AKR1C4: variants seen among roughly 807,000 people sequenced by gnomAD.
AKR1C4 encodes the protein 3-alpha-HSD1.
In AKR1C4, 44 loss-of-function variants were observed where a neutral mutation model predicts 41.0. That is an observed-to-expected ratio of 1.07 (90% confidence interval 0.84 to 1.38). AKR1C4 has a LOEUF of 1.38. Among genes scored for constraint, AKR1C4 ranks in the 40% most tolerant of loss-of-function variants. The pLI is 0.00. For synonymous variants in AKR1C4, 165 were observed against 137.7 expected (o/e 1.20, Z -1.39); for missense variants, 438 against 387.9 (o/e 1.13, Z -1.09).
chr10:5,210,810 C>G (rs1263313433), intron 5 of AKR1C4, among the ~76,000 whole-genome samples: 1 of 152,176 alleles, frequency 6.6e-6, no homozygotes, highest in East Asian at 1.9e-4. Flanking sequence ...CAGGGTTTCA[C>G]CATGTTGGTC....
In AKR1C4 at chr10:5,210,588, G is replaced by A. The variant is rs570333965; in HGVS notation, c.571-2028G>A. Among the ~76,000 whole-genome samples, 3 of 142,908 alleles carry A rather than the reference G, an allele frequency of 2.1e-5. No individual in the cohort carries two copies. The East Asian group carries it at 6.4e-4, about 30-fold the overall frequency. The allele number at this position is 142,908 out of a possible 152,430, so 93.8% of individuals were successfully genotyped here. ...ATCCTCTAAAATCTGAAATCTAGGTGGAGGTTCCCAAACCTCAATTTTTTT... is the reference window on the plus strand; with the variant it reads ...ATCCTCTAAAATCTGAAATCTAGGTAGAGGTTCCCAAACCTCAATTTTTTT... On this transcript the variant is annotated intron_variant, in intron 5 of 8. Coordinates refer to ENST00000263126, the MANE Select transcript of AKR1C4 (RefSeq NM_001818.5).
intron 5 of AKR1C4, among the ~76,000 whole-genome samples, chr10:5,206,723 G>C (rs1425450481): frequency 8.1e-6 from 1 of 123,296 alleles, no homozygotes; most frequent in Non-Finnish European, 1.7e-5. Flanking sequence ...CCAGAGAGTG[G>C]ATTGGTAAAG....
rs1385258195 is a variant in AKR1C4 at position 5,218,730 on chromosome 10, T to C, written c.942T>C (p.His314=). 1.9e-6 allele frequency: 3 copies of C among 1,602,800 alleles called. No homozygotes were observed. Among genetic ancestry groups the C allele is most frequent in the Middle Eastern group, 1.7e-4 (1 of 6,042 alleles). The change falls in exon 9 of 9, where the codon CAT becomes CAC. Residue 314 remains histidine (H), a synonymous_variant. Transcript: ENST00000263126. ...RYVVMDFLMD[H]PDYPFSDEY ...TTTCTCTTTTCAGTCTTATGGACCA[T>C]CCTGATTATCCATTTTCAGATGAAT...
At chr10:5,199,537 T>C (rs184411891) in intron 1 of AKR1C4, among the ~76,000 whole-genome samples, 13 of 152,106 alleles carry the variant, frequency 8.5e-5, no homozygotes, top group African/African-American at 2.9e-4. Context: ...CGGGTGGACT[T>C]TGAGAGGATC....
chr10:5,200,968 GTA>G (rs111762558), intron 2 of AKR1C4, among the ~76,000 whole-genome samples: 20 of 150,892 alleles, frequency 1.3e-4, no homozygotes, highest in African/African-American at 3.9e-4. Context: ...ATTCCATGAT[GTA>G]TATATATATA....
At chr10:5,208,073 AG>A (rs60915212) in intron 5 of AKR1C4, among the ~76,000 whole-genome samples, 121,728 of 151,286 alleles carry the variant, frequency 0.8, 51,601 homozygotes, top group East Asian at 0.98. Flanking sequence ...AGTGAAAAAA[AG>A]GAAAGTTAAC....
chr10:5,199,200 G>A (rs376290677), intron 1 of AKR1C4, among the ~76,000 whole-genome samples: 12 of 152,020 alleles, frequency 7.9e-5, no homozygotes, highest in African/African-American at 2.9e-4. Flanking sequence ...AATTGGGATG[G>A]GTTTATCACC....
chr10:5,207,562 C>G (rs1554797584), intron 5 of AKR1C4: 2 of 752,110 alleles, frequency 2.7e-6, no homozygotes, highest in Non-Finnish European at 2.1e-6. Flanking sequence ...TGCTAAGAAA[C>G]TAGACTTGAA....
chr10:5,198,423 CA>C (rs1832344873), intron 1 of AKR1C4, among the ~76,000 whole-genome samples: 2 of 152,286 alleles, frequency 1.3e-5, no homozygotes, highest in African/African-American at 4.8e-5. Context: ...ACTGGTTGTA[CA>C]AAGTGTGGGG....
intron 1 of AKR1C4, among the ~76,000 whole-genome samples, chr10:5,198,292 G>A (rs560334548): frequency 3.0e-4 from 46 of 152,252 alleles, no homozygotes; most frequent in African/African-American, 1.1e-3. Flanking sequence ...GTGTAGAAAG[G>A]AGTTAACACA....
At chr10:5,216,353 A>G (rs1200816166) in intron 7 of AKR1C4, among the ~76,000 whole-genome samples, 3 of 152,202 alleles carry the variant, frequency 2.0e-5, no homozygotes, top group African/African-American at 7.2e-5. Flanking sequence ...ACAAATATCC[A>G]AATTGTATCA....
chr10:5,209,603 C>T (rs960436211), intron 5 of AKR1C4, among the ~76,000 whole-genome samples: 18 of 152,102 alleles, frequency 1.2e-4, no homozygotes, highest in African/African-American at 3.9e-4. Flanking sequence ...CTGAGGAGGT[C>T]TCACAATCAT....
At chr10:5,214,057 ATATAT>A (rs573949422) in intron 7 of AKR1C4, among the ~76,000 whole-genome samples, 29 of 152,078 alleles carry the variant, frequency 1.9e-4, no homozygotes, top group Admixed American at 1.3e-4. Flanking sequence ...ATACAAAGTA[ATATAT>A]TATTGTCTAT....
intron 7 of AKR1C4, among the ~76,000 whole-genome samples, chr10:5,213,570 T>C (rs868917919): frequency 2.0e-5 from 3 of 152,212 alleles, no homozygotes; most frequent in Admixed American, 2.0e-4. Context: ...TGTTGAAATC[T>C]TTGGGTATTT....
In AKR1C4 at chr10:5,196,918, C is replaced by T. The variant is rs782741828; in HGVS notation, c.51C>T (p.Pro17=). 5.6e-6 allele frequency: 9 copies of T among 1,613,484 alleles called. No homozygotes were observed. Among genetic ancestry groups the T allele is most frequent in the South Asian group, 3.3e-5 (3 of 91,020 alleles). The stretch of plus-strand genomic sequence containing the variant: ...AGCTAAATGATGGTCACTTCATGCC[C>T]GTATTGGGATTTGGCACCTATGCAC... ...RVELNDGHFM[P]VLGFGTYAPP... Residue 17 remains proline, a synonymous_variant, in exon 1 of 9, where the codon CCC becomes CCT. Coordinates refer to ENST00000263126, the MANE Select transcript of AKR1C4 (RefSeq NM_001818.5).
intron 5 of AKR1C4, chr10:5,207,435 A>T: frequency 2.9e-6 from 1 of 348,936 alleles, no homozygotes; most frequent in Middle Eastern, 1.1e-3. Context: ...CATATGCAAG[A>T]TGCACAGATG....
Position 5,218,894 on chromosome 10 carries a change from G to T in AKR1C4, c.*134G>T. The T allele has an allele frequency of 1.5e-6, 1 of 679,314 alleles. No individual in the cohort carries two copies. 42.1% of individuals were successfully genotyped at this position (679,314 alleles called of 1,614,324 possible). On this transcript the variant is annotated 3_prime_UTR_variant, in exon 9 of 9. Coordinates refer to ENST00000263126, the MANE Select transcript of AKR1C4 (RefSeq NM_001818.5). ...CCCTCCTGCTTGGCAACTTCAGCTA[G>T]CTAGATATATCCATGGTCCAGAAAG...
At position 5,218,542 on chromosome 10, in the gene AKR1C4, G is replaced by GAAAA. The variant is rs5782814; in HGVS notation, c.930-165_930-162dup. ...TATAAGTTGAAAATTTTCTTATTTT[G>GAAAA]AAAAAAAAAAAAAACACATTATAAA... On this transcript the variant is annotated intron_variant, in intron 8 of 8. Coordinates refer to ENST00000263126, the MANE Select transcript of AKR1C4 (RefSeq NM_001818.5). Among the ~76,000 whole-genome samples, 506 of 146,564 alleles carry GAAAA rather than the reference G, an allele frequency of 3.5e-3. 5 individuals are homozygous for GAAAA. The highest frequency in any genetic ancestry group is 5.4e-3 in the Non-Finnish European group (360 of 66,444).
chr10:5,208,452 C>T (rs1266114293), intron 5 of AKR1C4, among the ~76,000 whole-genome samples: 2 of 151,594 alleles, frequency 1.3e-5, no homozygotes, highest in Admixed American at 1.3e-4. Flanking sequence ...TAATACAGGA[C>T]ATCTACATGT....
Sources: gnomAD v4.1 joint callset for allele counts (sites outside exome capture counted in the v4.1 genomes callset) on GRCh38, gnomAD v4.1.1 for gene constraint, MANE v1.5 for transcripts, NCBI Gene and HGNC (gene_info 2026-07-23, HGNC 2026-07-21) for gene names.